Variants in SULT1B1 observed in about 807,000 individuals in gnomAD.
The protein encoded by SULT1B1 is sulfotransferase 1B1.
In SULT1B1, 28 loss-of-function variants were observed where a neutral mutation model predicts 34.6. The observed-to-expected ratio is 0.81, with a 90% CI of 0.60 to 1.11. SULT1B1 has a LOEUF of 1.11. Ranked by LOEUF, SULT1B1 falls within the 50% of genes least tolerant of loss-of-function variation. The pLI, the probability that SULT1B1 is intolerant of heterozygous loss-of-function variation, is 0.00. For synonymous variants in SULT1B1, 147 were observed against 110.2 expected (o/e 1.33, Z -2.09); for missense variants, 374 against 352.2 (o/e 1.06, Z -0.50).
intron 1 of SULT1B1, among the ~76,000 whole-genome samples, chr4:69,757,957 G>A (rs1005219136): frequency 5.3e-5 from 8 of 152,160 alleles, no homozygotes; most frequent in African/African-American, 1.9e-4. Context: ...CCTGGGGCAA[G>A]GATGCCAATG....
intron 4 of SULT1B1, among the ~76,000 whole-genome samples, chr4:69,738,179 C>A (rs924630734): frequency 9.9e-5 from 15 of 152,188 alleles, no homozygotes; most frequent in Admixed American, 2.0e-4. Flanking sequence ...CATGTTGCTG[C>A]AGAAAACATG....
intron 4 of SULT1B1, among the ~76,000 whole-genome samples, chr4:69,747,327 T>C (rs1718789715): frequency 6.6e-6 from 1 of 152,124 alleles, no homozygotes; most frequent in Non-Finnish European, 1.5e-5. Flanking sequence ...GGGATCCATA[T>C]GCAAAAGCAA....
Position 69,726,002 on chromosome 4 carries a change from C to A in SULT1B1, c.*1086G>T, listed in dbSNP as rs1406847593. 2 of 116,246 alleles carry A rather than the reference C, an allele frequency of 1.7e-5. No homozygotes were observed. Among genetic ancestry groups the A allele is most frequent in the African/African-American group, 3.2e-5 (1 of 31,294 alleles). The allele number at this position is 116,246 out of a possible 1,614,324, so 7.2% of individuals were successfully genotyped here. A position where few individuals can be genotyped will look rare whatever the true frequency, so the allele number is the denominator to read the frequency against. ...AAACCTGCACATTGTGCACATGTAA[C>A]CTGGAACTTAAAGTATAATAATAAA... On this transcript the variant is annotated 3_prime_UTR_variant, in exon 8 of 8. Transcript: ENST00000310613.
At position 69,730,527 on chromosome 4, in the gene SULT1B1, T is replaced by C. The variant is rs1243146784; in HGVS notation, c.752A>G (p.His251Arg). Residue 251 changes from histidine (H) to arginine (R), a missense_variant, in exon 7 of 8, where the codon CAT becomes CGT. Transcript: ENST00000310613. ...YTHLPTTVMD[H>R]SKSPFMRKGT... ...TTTACGCATAAAAGGGGATTTGCTA[T>C]GATCCATCACTGTAGTTGGTAGATG... is the stretch of plus-strand genomic sequence containing the variant. 3.7e-6 allele frequency: 6 copies of C among 1,608,418 alleles called. No homozygotes were observed. The South Asian group carries it at 6.6e-5, about 18-fold the overall frequency.
At chr4:69,732,915 G>A (rs961844425) in intron 6 of SULT1B1, among the ~76,000 whole-genome samples, 1 of 151,960 alleles carries the variant, frequency 6.6e-6, no homozygotes, top group African/African-American at 2.4e-5. Context: ...AATATTACAT[G>A]TTGGAGAGAA....
At chr4:69,730,146 T>TGC (rs1718016903) in intron 7 of SULT1B1, among the ~76,000 whole-genome samples, 1 of 152,104 alleles carries the variant, frequency 6.6e-6, no homozygotes, top group Non-Finnish European at 1.5e-5. Context: ...GAAATTAGTA[T>TGC]TTCACTGAGG....
chr4:69,727,298 C>A (rs1466296691), intron 7 of SULT1B1, 98 bp from the exon 8 acceptor site: 1 of 760,740 alleles, frequency 1.3e-6, no homozygotes. Flanking sequence ...TAAAGAAAGA[C>A]CTTCCTTTTA....
In SULT1B1 at chr4:69,723,459, G is replaced by C. The variant is rs1717715675; in HGVS notation, c.*3629C>G. 2 of 152,216 alleles carry C rather than the reference G, an allele frequency of 1.3e-5. No individual in the cohort carries two copies. The highest frequency in any genetic ancestry group is 1.9e-4 in the East Asian group (1 of 5,180). The allele number at this position is 152,216 out of a possible 1,614,324, so 9.4% of individuals were successfully genotyped here. ...TCTACCAGAGGTCCAAGGAGGAGCT[G>C]GTACCATTCCTTCTGAAACTATTCC... On this transcript the variant is annotated 3_prime_UTR_variant, in exon 8 of 8. Coordinates refer to ENST00000310613, the MANE Select transcript of SULT1B1 (RefSeq NM_014465.4).
At position 69,749,765 on chromosome 4, in the gene SULT1B1, G is replaced by A; in HGVS notation, c.331C>T (p.Pro111Ser). 1 of 1,613,588 alleles carries A rather than the reference G, an allele frequency of 6.2e-7. No individual in the cohort carries two copies. The highest frequency in any genetic ancestry group is 8.5e-7 in the Non-Finnish European group (1 of 1,179,646). Residue 111 changes from proline to serine, a missense_variant, in exon 4 of 8, where the codon CCG becomes TCG. Physicochemically the swap from Pro to Ser is moderately conservative, Grantham distance 74. Transcript: ENST00000310613. ...AAAGATTTAGGAAGAAGATCAGTCG[G>A]TAGATGTGTTTTCACAATCCGGGGT... ...PSPRIVKTHL[P>S]TDLLPKSFWE...
intron 6 of SULT1B1, among the ~76,000 whole-genome samples, chr4:69,731,697 A>G (rs562001694): frequency 6.6e-6 from 1 of 152,344 alleles, no homozygotes; most frequent in South Asian, 2.1e-4. Context: ...TGTATGGTAG[A>G]AGAAAAATAT....
rs140281103 is a variant in SULT1B1, at chr4:69,754,755, A to T, written c.192T>A (p.Asp64Glu). ...VSEIIDMILN[D>E]GDIEKCKRGF... ...CTCGCTTACATTTTTCAATATCTCCATCATTTAGAATCATGTCTATAATTT... is the reference window on the plus strand; with the variant it reads ...CTCGCTTACATTTTTCAATATCTCCTTCATTTAGAATCATGTCTATAATTT... The change falls in exon 3 of 8, where the codon GAT (aspartate) becomes GAA (glutamate). Residue 64 changes from aspartate (D) to glutamate (E), a missense_variant. Asp to Glu is a conservative substitution (Grantham distance 45). Coordinates refer to ENST00000310613, the MANE Select transcript of SULT1B1 (RefSeq NM_014465.4). 1.2e-6 allele frequency: 2 copies of T among 1,612,856 alleles called. No homozygotes were observed. The highest frequency in any genetic ancestry group is 1.7e-6 in the Non-Finnish European group (2 of 1,179,184).
chr4:69,753,344 T>A (rs908691921), intron 3 of SULT1B1, among the ~76,000 whole-genome samples: 5 of 152,198 alleles, frequency 3.3e-5, no homozygotes, highest in Non-Finnish European at 5.9e-5. Flanking sequence ...TTATCTAGCA[T>A]CCTCAATTCC....
chr4:69,759,802 C>T lies in SULT1B1; in HGVS notation c.-45+657G>A, dbSNP rs549068710. Among the ~76,000 whole-genome samples, 117 of 152,258 alleles carry T rather than the reference C, an allele frequency of 7.7e-4. 1 individual carries two copies. The highest frequency in any genetic ancestry group is 1.4e-3 in the Non-Finnish European group (96 of 68,012). On this transcript the variant is annotated intron_variant, in intron 1 of 7. Transcript: ENST00000310613. ...CTATTTAAAGTAGTTGTAAATTATA[C>T]ATGGGATCTCAAGACTTCCTATTTA...
At chr4:69,754,289 G>T (rs577388336) in intron 3 of SULT1B1, among the ~76,000 whole-genome samples, 4 of 152,182 alleles carry the variant, frequency 2.6e-5, no homozygotes, top group Admixed American at 6.5e-5. Flanking sequence ...TTTTGTGGAA[G>T]AAAAATTAAT....
At position 69,730,485 on chromosome 4, in the gene SULT1B1, C is replaced by T; in HGVS notation, c.778+16G>A. 1.3e-6 allele frequency: 2 copies of T among 1,579,576 alleles called. No homozygotes were observed. Among genetic ancestry groups the T allele is most frequent in the Non-Finnish European group, 8.7e-7 (1 of 1,154,882 alleles). On this transcript the variant is annotated intron_variant, in intron 7 of 7. Coordinates refer to ENST00000310613, the MANE Select transcript of SULT1B1 (RefSeq NM_014465.4). ...AGAAAGTACGAAAGGGAAATTAAAC[C>T]CAGCAAAGTATTTACCTTTACGCAT...
At chr4:69,738,194 C>T (rs892458929) in intron 4 of SULT1B1, among the ~76,000 whole-genome samples, 1 of 152,176 alleles carries the variant, frequency 6.6e-6, no homozygotes, top group African/African-American at 2.4e-5. Flanking sequence ...AACATGATTT[C>T]CTTTTCCTTA....
At chr4:69,747,639 C>T (rs1718802272) in intron 4 of SULT1B1, among the ~76,000 whole-genome samples, 1 of 152,216 alleles carries the variant, frequency 6.6e-6, no homozygotes, top group South Asian at 2.1e-4. Context: ...TATTCCTGCA[C>T]CAAACCCTCT....
At chr4:69,728,471 T>C (rs963090354) in intron 7 of SULT1B1, among the ~76,000 whole-genome samples, 1 of 152,088 alleles carries the variant, frequency 6.6e-6, no homozygotes, top group Admixed American at 6.6e-5. Context: ...CATTCATTCA[T>C]GTACATGCCC....
At position 69,754,788 on chromosome 4, in the gene SULT1B1, C is replaced by T. The variant is rs1719125609; in HGVS notation, c.159G>A (p.Trp53Ter). Residue 53 changes from tryptophan (W) to a stop codon, truncating the protein, a stop_gained, in exon 3 of 8, where the codon TGG (tryptophan) becomes TGA (stop). Transcript: ENST00000310613. LOFTEE classifies it high-confidence loss of function. ...GAATCATGTCTATAATTTCACTAAC[C>T]CAAGTAGTACCTGTGACAAAAGGCA... is the stretch of plus-strand genomic sequence containing the variant. ...IATYPKSGTT[W>*]VSEIIDMILN... 1.9e-6 allele frequency: 3 copies of T among 1,609,778 alleles called. No homozygotes were observed. The East Asian group carries it at 6.7e-5, about 36-fold the overall frequency.
Sources: allele counts gnomAD v4.1 joint callset (sites outside exome capture counted in the v4.1 genomes callset), GRCh38; gene constraint gnomAD v4.1.1; transcripts MANE v1.5; gene names NCBI Gene and HGNC (gene_info 2026-07-23, HGNC 2026-07-21).